The following ARMC2 variants were observed in gnomAD, a reference collection of about 807,000 sequenced individuals.
ARMC2 encodes armadillo repeat-containing protein 2.
ARMC2 carries 67 observed loss-of-function variants against 90.3 expected under a neutral mutation model. That is an observed-to-expected ratio of 0.74 (90% CI 0.61 to 0.91). The LOEUF (loss-of-function observed/expected upper bound fraction) is 0.91, where lower values mean the gene tolerates loss of function less well. ARMC2 is among the 40% of genes least tolerant of loss of function. The pLI is 0.00. For missense variants in ARMC2, 920 were observed against 1,030.9 expected (o/e 0.89, Z 1.47); for synonymous variants, 393 against 393.0 (o/e 1.00, Z 0.00).
chr6:108,877,976 T>C (rs1018610282), intron 5 of ARMC2, among the ~76,000 whole-genome samples: 7 of 152,232 alleles, frequency 4.6e-5, no homozygotes, highest in Admixed American at 3.3e-4. Flanking sequence ...TGTGTCTAAG[T>C]TGGGTTTGCA....
Position 108,936,881 on chromosome 6 carries a change from C to G in ARMC2, c.1497-19C>G, listed in dbSNP as rs1465853332. On this transcript the variant is annotated intron_variant, in intron 11 of 17. Transcript: ENST00000392644. The stretch of plus-strand genomic sequence containing the variant: ...AAAAACAAAGTTTACCTTTATTTTC[C>G]CATTTGGCATTTCTGCAGCAAACTT... 6.4e-7 allele frequency: 1 copy of G among 1,560,898 alleles called. No homozygotes were observed. The highest frequency in any genetic ancestry group is 1.9e-5 in the Admixed American group (1 of 52,662).
intron 4 of ARMC2, among the ~76,000 whole-genome samples, chr6:108,875,643 T>A (rs59239345): frequency 0.015 from 2,243 of 152,294 alleles, 68 homozygotes; most frequent in African/African-American, 0.052. Flanking sequence ...TCTTATAACA[T>A]GTCGTATACC....
chr6:109,042,779 C>T, the ARMC2 span, among the ~76,000 whole-genome samples: 1 of 151,986 alleles, frequency 6.6e-6, no homozygotes, highest in Non-Finnish European at 1.5e-5. Context: ...CTCCACCAAA[C>T]ATTTAAAGAA....
At chr6:108,951,444 C>G (rs1777171737) in intron 12 of ARMC2, among the ~76,000 whole-genome samples, 1 of 152,202 alleles carries the variant, frequency 6.6e-6, no homozygotes, top group African/African-American at 2.4e-5. Flanking sequence ...TGAAATGTCT[C>G]CGAAAATGAA....
At chr6:109,036,643 G>A in the ARMC2 span, among the ~76,000 whole-genome samples, 1 of 152,116 alleles carries the variant, frequency 6.6e-6, no homozygotes, top group Admixed American at 6.5e-5. Flanking sequence ...TTTTTAGGTT[G>A]TGGTTTTTAA....
chr6:109,052,290 G>A, the ARMC2 span, among the ~76,000 whole-genome samples: 7 of 151,970 alleles, frequency 4.6e-5, no homozygotes, highest in Admixed American at 6.5e-5. Flanking sequence ...AGAAATATTT[G>A]AGAAAATTTT....
At chr6:108,979,025 T>C (rs1315159242), downstream of ARMC2, among the ~76,000 whole-genome samples, 2 of 152,192 alleles carry the variant, frequency 1.3e-5, no homozygotes, top group African/African-American at 2.4e-5. Context: ...ATGTGTGAAT[T>C]TGATCCTGTC....
the ARMC2 span, among the ~76,000 whole-genome samples, chr6:108,999,483 A>G: frequency 6.6e-6 from 1 of 152,208 alleles, no homozygotes. Context: ...GAGAACATCA[A>G]TCTACTTTTA....
chr6:108,951,694 A>G (rs984683605), intron 12 of ARMC2, among the ~76,000 whole-genome samples: 14 of 152,308 alleles, frequency 9.2e-5, no homozygotes, highest in Admixed American at 3.9e-4. Context: ...TTTCCTGGCC[A>G]CACCCGACGC....
downstream of ARMC2, among the ~76,000 whole-genome samples, chr6:108,978,903 A>C (rs927783292): frequency 2.6e-5 from 4 of 151,508 alleles, no homozygotes; most frequent in Non-Finnish European, 5.9e-5. Context: ...TCCACATCAG[A>C]TGGGTCTCCT....
At chr6:108,973,280 C>T in intron 17 of ARMC2, 77 bp from the exon 18 acceptor site, 2 of 1,290,102 alleles carry the variant, frequency 1.6e-6, no homozygotes, top group South Asian at 3.2e-5. Flanking sequence ...GAGTTTAACT[C>T]ATATCATCAA....
intron 12 of ARMC2, among the ~76,000 whole-genome samples, chr6:108,945,909 A>G (rs1473985871): frequency 3.9e-5 from 6 of 152,172 alleles, no homozygotes; most frequent in African/African-American, 1.2e-4. Flanking sequence ...GTGCCTTTGT[A>G]GGGCGACTTG....
chr6:108,995,838 AT>A, the ARMC2 span, among the ~76,000 whole-genome samples: 13,765 of 152,220 alleles, frequency 0.09, 842 homozygotes, highest in Middle Eastern at 0.19. Context: ...TACAAAATTA[AT>A]GTTTCCCCCC....
chr6:108,929,969 G>A (rs1405917770), intron 11 of ARMC2, among the ~76,000 whole-genome samples: 3 of 151,516 alleles, frequency 2.0e-5, no homozygotes, highest in Non-Finnish European at 4.4e-5. Flanking sequence ...CCCAACCCCT[G>A]CCAAAAAATT....
Position 108,947,019 on chromosome 6 carries a change from C to T in ARMC2, c.1597-6014C>T, listed in dbSNP as rs184560791. Among the ~76,000 whole-genome samples the T allele has an allele frequency of 4.6e-5, 7 of 152,204 alleles. No individual in the cohort carries two copies. The East Asian group carries it at 1.4e-3, about 29-fold the overall frequency. On this transcript the variant is annotated intron_variant, in intron 12 of 17. Transcript: ENST00000392644. The stretch of plus-strand genomic sequence containing the variant: ...CTGGCTTTGACATTCATTTAATAGG[C>T]AGTAGATGTTTTTGAGCAAAGGGAA...
At chr6:108,977,284 T>C (rs1016038859), downstream of ARMC2, among the ~76,000 whole-genome samples, 2 of 152,114 alleles carry the variant, frequency 1.3e-5, no homozygotes, top group Non-Finnish European at 2.9e-5. Context: ...TTGGTTCTGT[T>C]TGTTATGGAT....
chr6:108,860,445 G>A (rs1283045776), intron 3 of ARMC2, among the ~76,000 whole-genome samples: 1 of 151,908 alleles, frequency 6.6e-6, no homozygotes, highest in South Asian at 2.1e-4. Flanking sequence ...GGTGGGTCAC[G>A]AGGTCAGGAG....
At chr6:109,048,629 G>A in the ARMC2 span, among the ~76,000 whole-genome samples, 2 of 152,202 alleles carry the variant, frequency 1.3e-5, no homozygotes, top group Non-Finnish European at 2.9e-5. Flanking sequence ...CCTGTGGGTA[G>A]ATGGCCACAA....
intron 7 of ARMC2, among the ~76,000 whole-genome samples, chr6:108,899,993 T>G (rs1275712422): frequency 1.3e-5 from 2 of 152,204 alleles, no homozygotes; most frequent in African/African-American, 4.8e-5. Flanking sequence ...TAATTTTTAG[T>G]AAGATTATGC....
Sources: allele counts gnomAD v4.1 joint callset (sites outside exome capture counted in the v4.1 genomes callset), GRCh38; gene constraint gnomAD v4.1.1; transcripts MANE v1.5; gene names NCBI Gene and HGNC (gene_info 2026-07-23, HGNC 2026-07-21).